Variants in JPH1 observed in about 807,000 individuals in gnomAD.
JPH1 encodes junctophilin-1.
In JPH1, 12 loss-of-function variants were observed where a neutral mutation model predicts 53.6. That is an observed-to-expected ratio of 0.22 (90% CI 0.14 to 0.36). The LOEUF (loss-of-function observed/expected upper bound fraction) is 0.36, where lower values mean the gene tolerates loss of function less well. Among genes scored for constraint, JPH1 ranks in the 10% least tolerant of loss-of-function variants. The pLI is 1.00. For synonymous variants in JPH1, 375 were observed against 363.8 expected (o/e 1.03, Z -0.35); for missense variants, 808 against 905.5 (o/e 0.89, Z 1.38).
intron 2 of JPH1, among the ~76,000 whole-genome samples, chr8:74,306,112 ACCCGTTGC>A (rs1807826000): frequency 6.6e-6 from 1 of 152,138 alleles, no homozygotes; most frequent in Admixed American, 6.5e-5. Context: ...ATGCGTAATG[ACCCGTTGC>A]GTGGTGAGTG....
Position 74,320,777 on chromosome 8 carries a change from G to T in JPH1, c.379+132C>A. On this transcript the variant is annotated intron_variant, in intron 1 of 5. Transcript: ENST00000342232. The surrounding 1 kb of genome is among the most constrained non-coding windows in gnomAD (Gnocchi z 4.4). Reference sequence around the variant, plus strand: ...GAAAGGCGGGCGCGGGCGCGGGGGTGGGAGGCGCCCCCAGGTGTTTTGGCG... The same window carrying T: ...GAAAGGCGGGCGCGGGCGCGGGGGTTGGAGGCGCCCCCAGGTGTTTTGGCG... 1 of 1,128,592 alleles carries T rather than the reference G, an allele frequency of 8.9e-7. No homozygotes were observed. The highest frequency in any genetic ancestry group is 1.2e-6 in the Non-Finnish European group (1 of 849,990). 69.9% of individuals were successfully genotyped at this position (1,128,592 alleles called of 1,614,324 possible). A position where few individuals can be genotyped will look rare whatever the true frequency, so the allele number is the denominator to read the frequency against.
intron 3 of JPH1, among the ~76,000 whole-genome samples, chr8:74,250,435 A>G (rs1376081899): frequency 6.6e-6 from 1 of 152,176 alleles, no homozygotes; most frequent in African/African-American, 2.4e-5. Flanking sequence ...GCCTAGCCTA[A>G]AAAGAAACTG....
At chr8:74,261,206 C>T (rs1806386513) in intron 2 of JPH1, among the ~76,000 whole-genome samples, 1 of 152,084 alleles carries the variant, frequency 6.6e-6, no homozygotes, top group African/African-American at 2.4e-5. Context: ...ATAGACTGTA[C>T]AACACAAACA....
intron 2 of JPH1, among the ~76,000 whole-genome samples, chr8:74,267,596 A>G (rs980453287): frequency 6.6e-6 from 1 of 152,160 alleles, no homozygotes; most frequent in African/African-American, 2.4e-5. Context: ...CAGTTCTCAC[A>G]AGGAGGCCAC....
intron 3 of JPH1, among the ~76,000 whole-genome samples, chr8:74,252,752 T>G (rs907788926): frequency 2.6e-5 from 4 of 151,916 alleles, no homozygotes; most frequent in Admixed American, 6.6e-5. Flanking sequence ...AATCCTAGTC[T>G]CAGATAAAAC....
intron 3 of JPH1, among the ~76,000 whole-genome samples, chr8:74,257,258 G>A (rs1209888809): frequency 3.9e-5 from 6 of 152,184 alleles, no homozygotes; most frequent in Non-Finnish European, 8.8e-5. Flanking sequence ...CTTATATGAA[G>A]CTGTTTTAGC....
chr8:74,261,290 G>A (rs1355136961), intron 2 of JPH1, among the ~76,000 whole-genome samples: 1 of 152,080 alleles, frequency 6.6e-6, no homozygotes, highest in Non-Finnish European at 1.5e-5. Flanking sequence ...TACACCAAAC[G>A]CACCTCAAAA....
At chr8:74,306,936 T>C (rs1011606318) in intron 2 of JPH1, among the ~76,000 whole-genome samples, 1 of 152,016 alleles carries the variant, frequency 6.6e-6, no homozygotes, top group African/African-American at 2.4e-5. Context: ...ACCTTTATTA[T>C]CCTACGTTAT....
At chr8:74,246,315 T>C (rs1805859235) in intron 3 of JPH1, among the ~76,000 whole-genome samples, 1 of 152,034 alleles carries the variant, frequency 6.6e-6, no homozygotes. Flanking sequence ...ATCTGTTCAT[T>C]TTCCTTCCTG....
In JPH1 at chr8:74,293,447, GC is replaced by G. The variant is rs568013268; in HGVS notation, c.1139+21413del. 1.1e-4 allele frequency among the ~76,000 whole-genome samples: 16 copies of G among 152,272 alleles called. No homozygotes were observed. In the East Asian group the frequency reaches 3.1e-3, roughly 29 times the overall value. On this transcript the variant is annotated intron_variant, in intron 2 of 5. Coordinates refer to ENST00000342232, the MANE Select transcript of JPH1 (RefSeq NM_020647.4). ...GTGAGGAGGTGCCACTAACTATCAT[GC>G]CCATTTTACAGATGGGGAAACTAAG...
rs1805902077 is a variant in JPH1 at position 74,247,823 on chromosome 8, T to A, written c.1259-2648A>T. On this transcript the variant is annotated intron_variant, in intron 3 of 5. Coordinates refer to ENST00000342232, the MANE Select transcript of JPH1 (RefSeq NM_020647.4). ...CTTGATTTAATCATTCCATATTGTATTAAGAAATTGTAACATCACTTTGTA... is the reference window on the plus strand; with the variant it reads ...CTTGATTTAATCATTCCATATTGTAATAAGAAATTGTAACATCACTTTGTA... 2.0e-5 allele frequency among the ~76,000 whole-genome samples: 3 copies of A among 152,210 alleles called. No individual in the cohort carries two copies. The South Asian group carries it at 6.2e-4, about 31-fold the overall frequency.
chr8:74,234,979 T>G lies in JPH1; in HGVS notation c.*2072A>C, dbSNP rs1806955795. ...TAGAAAAATACCAACAATTTGAGCT[T>G]TGTTTTAAAAAAGCTTATAAATCAT... is the stretch of plus-strand genomic sequence containing the variant. On this transcript the variant is annotated 3_prime_UTR_variant, in exon 6 of 6. Transcript: ENST00000342232. The G allele has an allele frequency of 6.6e-6, 1 of 152,642 alleles. No homozygotes were observed. Among genetic ancestry groups the G allele is most frequent in the Non-Finnish European group, 1.5e-5 (1 of 68,036 alleles). The allele number at this position is 152,642 out of a possible 1,614,324, so 9.5% of individuals were successfully genotyped here.
chr8:74,259,552 T>C, intron 2 of JPH1, 49 bp from the exon 3 acceptor site: 3 of 1,291,394 alleles, frequency 2.3e-6, no homozygotes, highest in Non-Finnish European at 3.1e-6. Flanking sequence ...CCCTTGTTAC[T>C]TACACAGGGA....
At position 74,299,781 on chromosome 8, in the gene JPH1, T is replaced by C. The variant is rs1338407485; in HGVS notation, c.1139+15080A>G. 5.3e-5 allele frequency among the ~76,000 whole-genome samples: 8 copies of C among 152,232 alleles called. 1 individual carries two copies. The South Asian group carries it at 1.7e-3, about 31-fold the overall frequency. ...TCCCTTTGTTGGTGTATGCCTTCTA[T>C]TTCCCTTGAAGTATCTTTAACATGT... On this transcript the variant is annotated intron_variant, in intron 2 of 5. Transcript: ENST00000342232.
At position 74,307,711 on chromosome 8, in the gene JPH1, A is replaced by AT. The variant is rs1010842266; in HGVS notation, c.1139+7149_1139+7150insA. ...AATTAACCAGAGCACCAGAAGAAAA[A>AT]AAAATCTGTAGAAAAGGTGATCTAA... On this transcript the variant is annotated intron_variant, in intron 2 of 5. Coordinates refer to ENST00000342232, the MANE Select transcript of JPH1 (RefSeq NM_020647.4). Among the ~76,000 whole-genome samples, 43 of 152,346 alleles carry AT rather than the reference A, an allele frequency of 2.8e-4. No individual in the cohort carries two copies. The East Asian group carries it at 5.0e-3, about 18-fold the overall frequency.
intron 2 of JPH1, among the ~76,000 whole-genome samples, chr8:74,311,525 T>C (rs1807993375): frequency 6.6e-6 from 1 of 151,840 alleles, no homozygotes; most frequent in Admixed American, 6.5e-5. Flanking sequence ...AAATTTTTTA[T>C]TTTATTATTA....
intron 2 of JPH1, among the ~76,000 whole-genome samples, chr8:74,260,319 C>A (rs1393702706): frequency 2.0e-5 from 3 of 152,024 alleles, no homozygotes; most frequent in Non-Finnish European, 4.4e-5. Context: ...TAGGGTTATG[C>A]GGAAAGTGGC....
At chr8:74,308,165 T>C (rs1045284970) in intron 2 of JPH1, among the ~76,000 whole-genome samples, 10 of 152,186 alleles carry the variant, frequency 6.6e-5, no homozygotes, top group African/African-American at 2.4e-4. Context: ...TGCTGTCAAA[T>C]ACAAAAGCTA....
chr8:74,300,863 A>G (rs1563417627), intron 2 of JPH1, among the ~76,000 whole-genome samples: 1 of 152,308 alleles, frequency 6.6e-6, no homozygotes, highest in Admixed American at 6.5e-5. Context: ...CATTGATAAG[A>G]AAGAGAGACC....
Sources: allele counts gnomAD v4.1 joint callset (sites outside exome capture counted in the v4.1 genomes callset), GRCh38; gene constraint gnomAD v4.1.1; non-coding constraint Gnocchi (gnomAD v3.1); transcripts MANE v1.5; gene names NCBI Gene and HGNC (gene_info 2026-07-23, HGNC 2026-07-21).